The following C9orf153 variants were observed in gnomAD, a reference collection of about 807,000 sequenced individuals.
C9orf153 encodes the protein chromosome 9 open reading frame 153, also known as uncharacterized protein C9orf153.
Under a neutral mutation model 9.0 loss-of-function variants are expected in C9orf153, and 10 were observed. The observed-to-expected ratio is 1.11, with a 90% confidence interval of 0.69 to 1.89. The LOEUF (loss-of-function observed/expected upper bound fraction) is 1.89. Among genes scored for constraint, C9orf153 ranks in the 40% most tolerant of loss-of-function variants. C9orf153 has a pLI of 0.00. For synonymous variants in C9orf153, 35 were observed against 37.3 expected, an observed-to-expected ratio of 0.94 and a Z score of 0.23; for missense variants, 108 against 111.0, an observed-to-expected ratio of 0.97 and a Z score of 0.12.
chr9:86,234,651 G>A (rs528749222), intron 1 of C9orf153, among the ~76,000 whole-genome samples: 3 of 152,314 alleles, frequency 2.0e-5, no homozygotes, highest in Non-Finnish European at 2.9e-5. Flanking sequence ...CCCTGGCTTA[G>A]ACAATGGTTT....
rs777885137 is a variant in C9orf153 at position 86,221,725 on chromosome 9, A to C, written c.251T>G (p.Ile84Ser). The C allele has an allele frequency of 5.8e-6, 9 of 1,544,560 alleles. No individual in the cohort carries two copies. The South Asian group carries it at 8.4e-5, about 14-fold the overall frequency. ...CATTCCAGATCCCTTAGATTCATGA[A>C]TTGTTTTCCTGAAAAGAATCATATT... is the stretch of plus-strand genomic sequence containing the variant. Reference protein sequence around the residue: ...GDLQPVIRKTIHESKGSGMEI... With the variant: ...GDLQPVIRKTSHESKGSGMEI... The change falls in exon 4 of 4, where the codon ATT (isoleucine) becomes AGT (serine). Residue 84 changes from isoleucine (I) to serine (S), a missense_variant. Physicochemically the swap from Ile to Ser is moderately radical, Grantham distance 142. Transcript: ENST00000339137.
chr9:86,221,972 G>A (rs1455722940), intron 3 of C9orf153, among the ~76,000 whole-genome samples: 1 of 151,940 alleles, frequency 6.6e-6, no homozygotes, highest in Non-Finnish European at 1.5e-5. Flanking sequence ...CACAACCTCC[G>A]CCTCCCGGGT....
chr9:86,225,611 G>A (rs1824312706), intron 3 of C9orf153, among the ~76,000 whole-genome samples: 3 of 151,886 alleles, frequency 2.0e-5, no homozygotes, highest in African/African-American at 7.2e-5. Context: ...GGTGCCCGCC[G>A]CAACGCCCAG....
In C9orf153 at chr9:86,221,345, T is replaced by C. The variant is rs7036623; in HGVS notation, c.*343A>G. 0.048 allele frequency: 10,512 copies of C among 219,030 alleles called. 1,111 individuals are homozygous for C. The highest frequency in any genetic ancestry group is 0.22 in the African/African-American group (9,631 of 43,646). The allele number at this position is 219,030 out of a possible 1,614,324, so 13.6% of individuals were successfully genotyped here. A position where few individuals can be genotyped will look rare whatever the true frequency, so the allele number is the denominator to read the frequency against. On this transcript the variant is annotated 3_prime_UTR_variant, in exon 4 of 4. Transcript: ENST00000339137. The stretch of plus-strand genomic sequence containing the variant: ...GCAGATTAAATCGGACCTTTTGCTC[T>C]GTATTAACGGCTTAATTTTACAATA...
chr9:86,221,518 A>C lies in C9orf153; in HGVS notation c.*170T>G. On this transcript the variant is annotated 3_prime_UTR_variant, in exon 4 of 4. Coordinates refer to ENST00000339137, the MANE Select transcript of C9orf153 (RefSeq NM_001276366.4). ...CACTACATATTCCATTTAAGAGAAT[A>C]ACTTCCTTCATTTTGATAATCAATT... 7.3e-7 allele frequency: 1 copy of C among 1,373,072 alleles called. No homozygotes were observed. The highest frequency in any genetic ancestry group is 9.4e-7 in the Non-Finnish European group (1 of 1,064,540). 85.1% of individuals were successfully genotyped at this position (1,373,072 alleles called of 1,614,324 possible).
chr9:86,242,196 C>A (rs1460444240), intron 1 of C9orf153, among the ~76,000 whole-genome samples: 2 of 152,036 alleles, frequency 1.3e-5, no homozygotes, highest in Non-Finnish European at 2.9e-5. Flanking sequence ...GAAGGACCAG[C>A]CGGGGCAAAG....
At chr9:86,223,439 G>C (rs1224394100) in intron 3 of C9orf153, among the ~76,000 whole-genome samples, 2 of 152,138 alleles carry the variant, frequency 1.3e-5, no homozygotes, top group Non-Finnish European at 2.9e-5. Context: ...CTGCACTCCA[G>C]CCTGGGTGAC....
chr9:86,229,579 G>C lies in C9orf153; in HGVS notation c.25C>G (p.Pro9Ala). The change falls in exon 2 of 4, where the codon CCA (proline) becomes GCA (alanine). Residue 9 changes from proline to alanine, a missense_variant. Pro to Ala is a conservative substitution (Grantham distance 27). Coordinates refer to ENST00000339137, the MANE Select transcript of C9orf153 (RefSeq NM_001276366.4). ...GTGGCTTCTCTATTGTCCTCAGCTGGACTGGTGTCTCCAGTGAGGAACATC... is the reference window on the plus strand; with the variant it reads ...GTGGCTTCTCTATTGTCCTCAGCTGCACTGGTGTCTCCAGTGAGGAACATC... Reference protein sequence around the residue: MFLTGDTSPAEDNREATLP... With the variant: MFLTGDTSAAEDNREATLP... 1.9e-6 allele frequency: 3 copies of C among 1,612,804 alleles called. No individual in the cohort carries two copies. The highest frequency in any genetic ancestry group is 2.5e-6 in the Non-Finnish European group (3 of 1,178,922).
intron 1 of C9orf153, among the ~76,000 whole-genome samples, chr9:86,253,829 T>C (rs562264238): frequency 2.4e-4 from 37 of 152,306 alleles, no homozygotes; most frequent in African/African-American, 5.5e-4. Context: ...TGGTGGCTCA[T>C]GCCTGTAATC....
intron 3 of C9orf153, chr9:86,227,195 G>A: frequency 1.2e-6 from 1 of 848,834 alleles, no homozygotes; most frequent in Non-Finnish European, 1.5e-6. Flanking sequence ...TGCCAAGGCT[G>A]AAATGCAGTG....
rs78006835 is a variant in C9orf153 at position 86,235,989 on chromosome 9, C to T, written c.-26-6360G>A. Reference sequence around the variant, plus strand: ...CAGAGAACATCAAATAGGTTAAATGCATAAACCCCCCAAAACAAAAAACTT... The same window carrying T: ...CAGAGAACATCAAATAGGTTAAATGTATAAACCCCCCAAAACAAAAAACTT... On this transcript the variant is annotated intron_variant, in intron 1 of 3. Transcript: ENST00000339137. Among the ~76,000 whole-genome samples the T allele has an allele frequency of 2.0e-3, 311 of 152,048 alleles. 1 individual carries two copies. Among genetic ancestry groups the T allele is most frequent in the African/African-American group, 7.0e-3 (291 of 41,508 alleles).
At chr9:86,257,214 T>C (rs553133622) in intron 1 of C9orf153, among the ~76,000 whole-genome samples, 1 of 152,320 alleles carries the variant, frequency 6.6e-6, no homozygotes, top group East Asian at 1.9e-4. Context: ...AATTTTGCCT[T>C]GGCTTCTTCC....
intron 3 of C9orf153, 84 bp downstream of exon 3, chr9:86,227,771 A>G: frequency 4.0e-6 from 6 of 1,515,158 alleles, no homozygotes; most frequent in African/African-American, 1.4e-5. Flanking sequence ...GAGCCTCTCC[A>G]TGGGAGAGAG....
At position 86,221,618 on chromosome 9, in the gene C9orf153, T is replaced by C; in HGVS notation, c.*70A>G. 1 of 1,521,416 alleles carries C rather than the reference T, an allele frequency of 6.6e-7. No homozygotes were observed. Among genetic ancestry groups the C allele is most frequent in the African/African-American group, 1.4e-5 (1 of 71,578 alleles). 94.2% of individuals were successfully genotyped at this position (1,521,416 alleles called of 1,614,324 possible). A position where few individuals can be genotyped will look rare whatever the true frequency, so the allele number is the denominator to read the frequency against. On this transcript the variant is annotated 3_prime_UTR_variant, in exon 4 of 4. Coordinates refer to ENST00000339137, the MANE Select transcript of C9orf153 (RefSeq NM_001276366.4). ...CAGGCATGTCCTGGCTCTCTACAAA[T>C]CTCTTCTCAGTGTTGTATTTTATGT... is the stretch of plus-strand genomic sequence containing the variant.
chr9:86,235,765 AAAAGAG>A (rs1824571845), intron 1 of C9orf153, among the ~76,000 whole-genome samples: 1 of 149,794 alleles, frequency 6.7e-6, no homozygotes, highest in African/African-American at 2.5e-5. Context: ...AAAAAAAAAA[AAAAGAG>A]AGAGAGAAAG....
At chr9:86,236,189 A>G (rs1055705967) in intron 1 of C9orf153, among the ~76,000 whole-genome samples, 2 of 152,028 alleles carry the variant, frequency 1.3e-5, no homozygotes, top group African/African-American at 2.4e-5. Flanking sequence ...TGAAATGGTT[A>G]AAGTGTTGAG....
At chr9:86,241,037 C>G (rs1049214619) in intron 1 of C9orf153, among the ~76,000 whole-genome samples, 3 of 151,946 alleles carry the variant, frequency 2.0e-5, no homozygotes, top group Non-Finnish European at 4.4e-5. Context: ...CCCCTACCCC[C>G]TCTCCCCTGG....
intron 1 of C9orf153, among the ~76,000 whole-genome samples, chr9:86,249,539 G>A (rs112413263): frequency 6.8e-6 from 1 of 146,286 alleles, no homozygotes; most frequent in Admixed American, 6.9e-5. Flanking sequence ...AAAGGAAAAC[G>A]TCTCCCACCT....
intron 1 of C9orf153, among the ~76,000 whole-genome samples, chr9:86,231,392 T>C (rs898233367): frequency 6.6e-6 from 1 of 152,030 alleles, no homozygotes; most frequent in Non-Finnish European, 1.5e-5. Context: ...GGATGGAAAA[T>C]ATATTTCTAG....
Sources: allele counts gnomAD v4.1 joint callset (sites outside exome capture counted in the v4.1 genomes callset), GRCh38; gene constraint gnomAD v4.1.1; transcripts MANE v1.5; gene names NCBI Gene and HGNC (gene_info 2026-07-23, HGNC 2026-07-21).